STK32B: variants seen among roughly 807,000 people sequenced by gnomAD.
STK32B encodes the protein serine/threonine-protein kinase 32B.
Under a neutral mutation model 52.6 loss-of-function variants are expected in STK32B, and 43 were observed. The observed-to-expected ratio is 0.82, with a 90% CI of 0.64 to 1.05. The LOEUF is 1.05. Among genes scored for constraint, STK32B ranks in the 50% least tolerant of loss-of-function variants. The pLI, the probability that STK32B is intolerant of heterozygous loss-of-function variation, is 0.00. For missense variants in STK32B, 621 were observed against 534.6 expected (o/e 1.16, Z -1.59); for synonymous variants, 238 against 204.3 (o/e 1.17, Z -1.41).
the STK32B span, chr4:5,019,388 C>T: frequency 4.7e-6 from 7 of 1,496,938 alleles, no homozygotes; most frequent in Admixed American, 1.4e-4. Flanking sequence ...GTGGGCCGCG[C>T]GGCGGGGGCT....
At chr4:5,090,779 C>T (rs1713036531) in intron 1 of STK32B, among the ~76,000 whole-genome samples, 1 of 152,110 alleles carries the variant, frequency 6.6e-6, no homozygotes, top group Non-Finnish European at 1.5e-5. Context: ...GAGATCCTTT[C>T]CCCATTGCTT....
At chr4:5,266,865 C>T (rs1727087906) in intron 3 of STK32B, among the ~76,000 whole-genome samples, 1 of 152,094 alleles carries the variant, frequency 6.6e-6, no homozygotes. Flanking sequence ...CTGGTCAACT[C>T]CAACATCATT....
the STK32B span, among the ~76,000 whole-genome samples, chr4:5,043,205 C>G: frequency 2.0e-5 from 3 of 150,774 alleles, no homozygotes; most frequent in South Asian, 6.3e-4. Flanking sequence ...GAAAGGAGCT[C>G]TTTTCTGTTT....
intron 1 of STK32B, among the ~76,000 whole-genome samples, chr4:5,124,660 C>T (rs1220769897): frequency 6.6e-6 from 1 of 152,172 alleles, no homozygotes; most frequent in African/African-American, 2.4e-5. Flanking sequence ...TGTTAGGCTA[C>T]TAAGGGAACA....
chr4:5,125,787 T>A (rs1252639470), intron 1 of STK32B, among the ~76,000 whole-genome samples: 1 of 152,150 alleles, frequency 6.6e-6, no homozygotes, highest in South Asian at 2.1e-4. Context: ...ACTCCCCAAC[T>A]CCTTGCTTCA....
chr4:5,178,815 C>G (rs1364417581), intron 3 of STK32B, among the ~76,000 whole-genome samples: 1 of 152,148 alleles, frequency 6.6e-6, no homozygotes, highest in Non-Finnish European at 1.5e-5. Context: ...ACTTAATTGC[C>G]CATATCACTA....
chr4:5,362,774 T>C (rs1734631497), intron 4 of STK32B, among the ~76,000 whole-genome samples: 1 of 152,184 alleles, frequency 6.6e-6, no homozygotes, highest in Admixed American at 6.5e-5. Context: ...ATTTCCACTC[T>C]CTAGTCTTCC....
At chr4:5,158,029 G>A (rs1380762597) in intron 2 of STK32B, among the ~76,000 whole-genome samples, 3 of 152,156 alleles carry the variant, frequency 2.0e-5, no homozygotes, top group Admixed American at 1.3e-4. Context: ...TACTTTGGAG[G>A]AATGTGTCAG....
Position 5,168,425 on chromosome 4 carries a change from G to A in STK32B, c.235G>A (p.Glu79Lys), listed in dbSNP as rs773370528. The A allele has an allele frequency of 6.2e-7, 1 of 1,613,768 alleles. No homozygotes were observed. Among genetic ancestry groups the A allele is most frequent in the East Asian group, 2.2e-5 (1 of 44,794 alleles). ...GGAGCTGCAGATCATGCAAGGGCTGGAGCACCCCTTCCTGGTCAATCTGTG... is the reference window on the plus strand; with the variant it reads ...GGAGCTGCAGATCATGCAAGGGCTGAAGCACCCCTTCCTGGTCAATCTGTG... ...FRELQIMQGL[E>K]HPFLVNLWYS... The change falls in exon 3 of 12, where the codon GAG becomes AAG. Residue 79 changes from glutamate to lysine, a missense_variant. Transcript: ENST00000282908.
chr4:5,446,563 A>G (rs1214586847), intron 6 of STK32B, 110 bp from the exon 7 acceptor site: 10 of 1,005,116 alleles, frequency 9.9e-6, no homozygotes, highest in Non-Finnish European at 1.5e-5. Context: ...TCTCAAAAAA[A>G]AACAAAAAAA....
the STK32B span, among the ~76,000 whole-genome samples, chr4:5,043,448 TCTAG>T: frequency 6.6e-6 from 1 of 152,232 alleles, no homozygotes; most frequent in African/African-American, 2.4e-5. Flanking sequence ...CTCTCATAAA[TCTAG>T]CTATATGTCT....
chr4:5,167,584 G>A (rs1718976774), intron 2 of STK32B, among the ~76,000 whole-genome samples: 1 of 152,224 alleles, frequency 6.6e-6, no homozygotes. Context: ...AAGACAGCCA[G>A]GAAAGGGTGT....
At chr4:5,186,949 G>A (rs1720790418) in intron 3 of STK32B, among the ~76,000 whole-genome samples, 2 of 152,344 alleles carry the variant, frequency 1.3e-5, no homozygotes, top group African/African-American at 4.8e-5. Context: ...GTCACAGGAT[G>A]CACCTGCCCG....
At chr4:5,121,631 C>T (rs1469618280) in intron 1 of STK32B, among the ~76,000 whole-genome samples, 1 of 152,166 alleles carries the variant, frequency 6.6e-6, no homozygotes, top group Non-Finnish European at 1.5e-5. Flanking sequence ...GTTTGATCCA[C>T]CAGGTAGTGT....
Position 5,398,311 on chromosome 4 carries a change from G to A in STK32B, c.472+67G>A, listed in dbSNP as rs372485260. The A allele has an allele frequency of 4.3e-4, 674 of 1,555,078 alleles. 6 individuals carry two copies. In the South Asian group the frequency reaches 5.1e-3, roughly 12 times the overall value. On this transcript the variant is annotated intron_variant, in intron 5 of 11. Transcript: ENST00000282908. This position sits in a 1 kb window ranked among gnomAD's most constrained non-coding sequence, Gnocchi z 4.9. ...AGTTTGAGGCACTGGGAAATAGTGC[G>A]GGGGTGGGGGTTGGGTCTTGCTGAG...
intron 6 of STK32B, among the ~76,000 whole-genome samples, chr4:5,421,587 A>T (rs1464282028): frequency 6.6e-6 from 1 of 152,170 alleles, no homozygotes; most frequent in Non-Finnish European, 1.5e-5. Context: ...CATGCCTAAC[A>T]GACTCACTCG....
intron 6 of STK32B, among the ~76,000 whole-genome samples, chr4:5,430,944 C>G (rs2109091200): frequency 6.6e-6 from 1 of 152,294 alleles, no homozygotes; most frequent in South Asian, 2.1e-4. Flanking sequence ...TTTCTAGTTC[C>G]TTGACACTTG....
At chr4:5,032,907 C>G in the STK32B span, among the ~76,000 whole-genome samples, 1 of 152,234 alleles carries the variant, frequency 6.6e-6, no homozygotes, top group African/African-American at 2.4e-5. Flanking sequence ...TCTGAGCTCA[C>G]AGACCGGCTC....
chr4:5,134,034 A>G lies in STK32B; in HGVS notation c.53-5871A>G, dbSNP rs527643122. On this transcript the variant is annotated intron_variant, in intron 1 of 11. Coordinates refer to ENST00000282908, the MANE Select transcript of STK32B (RefSeq NM_018401.3). ...CCATGGCCTGACTCTCTCCCCATCA[A>G]CAGATAGGACCTCTCTCTGCTGCAG... Among the ~76,000 whole-genome samples the G allele has an allele frequency of 2.6e-5, 4 of 152,272 alleles. No individual in the cohort carries two copies. In the East Asian group the frequency reaches 7.7e-4, roughly 29 times the overall value.
Sources: gnomAD v4.1 joint callset for allele counts (sites outside exome capture counted in the v4.1 genomes callset) on GRCh38, gnomAD v4.1.1 for gene constraint, Gnocchi (gnomAD v3.1) non-coding constraint, MANE v1.5 for transcripts, NCBI Gene and HGNC (gene_info 2026-07-23, HGNC 2026-07-21) for gene names.